The following BRAF variants were observed in gnomAD, a reference collection of about 807,000 sequenced individuals.
The protein encoded by BRAF is serine/threonine-protein kinase B-raf.
A neutral mutation model predicts 104.6 loss-of-function variants in BRAF; 16 were observed. The ratio of observed to expected loss-of-function variants is 0.15; its 90% CI spans 0.10 to 0.23. BRAF has a LOEUF of 0.23. Ranked by LOEUF, BRAF falls within the 10% of genes least tolerant of loss-of-function variation. The pLI is 1.00. For synonymous variants in BRAF, 310 were observed against 341.6 expected (o/e 0.91, Z 1.02); for missense variants, 541 against 937.3 (o/e 0.58, Z 5.52).
intron 3 of BRAF, among the ~76,000 whole-genome samples, chr7:140,825,028 T>C (rs1805873650): frequency 6.6e-6 from 1 of 151,224 alleles, no homozygotes; most frequent in Non-Finnish European, 1.5e-5. Flanking sequence ...TGGAGTGCAG[T>C]GGCGCAATCT....
At chr7:140,751,719 T>C (rs1243199544) in intron 16 of BRAF, among the ~76,000 whole-genome samples, 1 of 152,164 alleles carries the variant, frequency 6.6e-6, no homozygotes, top group Non-Finnish European at 1.5e-5. Context: ...TAATTCCACT[T>C]ACTGTCATAA....
downstream of BRAF, among the ~76,000 whole-genome samples, chr7:140,718,109 T>C (rs185937081): frequency 1.4e-4 from 22 of 152,334 alleles, no homozygotes; most frequent in East Asian, 4.3e-3. Flanking sequence ...GAAGTGTTTT[T>C]TTTGAGACAG....
At chr7:140,780,256 T>A (rs571871641) in intron 12 of BRAF, 30 of 151,632 alleles carry the variant, frequency 2.0e-4, no homozygotes, top group African/African-American at 6.8e-4. Flanking sequence ...TTTTTTTTTT[T>A]TTTTTTAAGA....
chr7:140,798,179 G>A lies in BRAF; in HGVS notation c.980+2183C>T, dbSNP rs191763206. ...AATGGCATTACACTGTGAAGAGTGG[G>A]AGGAAGTAGGGTTAAAACTGACAAT... is the stretch of plus-strand genomic sequence containing the variant. On this transcript the variant is annotated intron_variant, in intron 7 of 19. Coordinates refer to ENST00000644969, the MANE Select transcript of BRAF (RefSeq NM_001374258.1). Among the ~76,000 whole-genome samples, 3 of 152,190 alleles carry A rather than the reference G, an allele frequency of 2.0e-5. No individual in the cohort carries two copies. The East Asian group carries it at 5.8e-4, about 29-fold the overall frequency.
chr7:140,781,532 A>G (rs778648364), intron 12 of BRAF, 44 bp downstream of exon 11: 1 of 1,501,644 alleles, frequency 6.7e-7, no homozygotes, highest in South Asian at 1.1e-5. Context: ...TGTTAAACAT[A>G]TCCTATTATG....
intron 1 of BRAF, among the ~76,000 whole-genome samples, chr7:140,867,652 G>A (rs7798324): frequency 0.3 from 45,374 of 152,014 alleles, 10,808 homozygotes; most frequent in African/African-American, 0.66. Context: ...GGTCTCATTG[G>A]TAAGATGATA....
At chr7:140,757,422 T>A (rs1417757400) in intron 14 of BRAF, among the ~76,000 whole-genome samples, 1 of 152,054 alleles carries the variant, frequency 6.6e-6, no homozygotes, top group East Asian at 1.9e-4. Context: ...CCTGAGTAGC[T>A]GGGACTACAG....
chr7:140,763,476 C>A (rs1312246419), intron 14 of BRAF, among the ~76,000 whole-genome samples: 45 of 152,146 alleles, frequency 3.0e-4, no homozygotes, highest in Non-Finnish European at 5.1e-4. Flanking sequence ...ACCCCCCCAC[C>A]TCCTTCCCGG....
At chr7:140,767,811 A>C (rs906883935) in intron 14 of BRAF, among the ~76,000 whole-genome samples, 3 of 152,242 alleles carry the variant, frequency 2.0e-5, no homozygotes, top group Admixed American at 6.5e-5. Flanking sequence ...TCATCCATAA[A>C]ACAAGGATAT....
At chr7:140,857,985 C>T (rs968854124) in intron 1 of BRAF, among the ~76,000 whole-genome samples, 16 of 152,178 alleles carry the variant, frequency 1.1e-4, no homozygotes, top group East Asian at 7.7e-4. Context: ...GCATGTATCC[C>T]GCCTTTTTAG....
intron 5 of BRAF, among the ~76,000 whole-genome samples, chr7:140,801,845 A>G (rs954786667): frequency 6.6e-6 from 1 of 152,212 alleles, no homozygotes; most frequent in Non-Finnish European, 1.5e-5. Context: ...CATAAAAGTA[A>G]AAGTAGACAT....
chr7:140,742,188 T>TG, intron 17 of BRAF, among the ~76,000 whole-genome samples: 1 of 151,850 alleles, frequency 6.6e-6, no homozygotes, highest in South Asian at 2.1e-4. Context: ...TGGTGGGGTT[T>TG]TTTTTGTTTT....
intron 1 of BRAF, among the ~76,000 whole-genome samples, chr7:140,873,699 T>C (rs1811873852): frequency 6.6e-6 from 1 of 152,178 alleles, no homozygotes; most frequent in Non-Finnish European, 1.5e-5. Context: ...CTACAGGGTC[T>C]GGACAGGGCC....
intron 17 of BRAF, among the ~76,000 whole-genome samples, chr7:140,747,019 A>C (rs916111263): frequency 6.6e-6 from 1 of 152,142 alleles, no homozygotes; most frequent in African/African-American, 2.4e-5. Flanking sequence ...TTCACATTGC[A>C]TAGTAAAGAA....
intron 1 of BRAF, among the ~76,000 whole-genome samples, chr7:140,923,464 A>T (rs1818460093): frequency 6.6e-6 from 1 of 152,236 alleles, no homozygotes; most frequent in South Asian, 2.1e-4. Context: ...TGACTAATGC[A>T]AAAACAGGCT....
At chr7:140,805,959 A>C (rs1803618872) in intron 5 of BRAF, among the ~76,000 whole-genome samples, 1 of 152,178 alleles carries the variant, frequency 6.6e-6, no homozygotes, top group Non-Finnish European at 1.5e-5. Context: ...CCAAGCTTAC[A>C]ACTATTACAT....
chr7:140,911,578 G>GT (rs1816985002), intron 1 of BRAF, among the ~76,000 whole-genome samples: 2 of 152,160 alleles, frequency 1.3e-5, no homozygotes, highest in African/African-American at 2.4e-5. Flanking sequence ...GGTAGGTGAG[G>GT]TAAGTCTGGA....
chr7:140,839,599 A>G (rs552988705), intron 2 of BRAF, among the ~76,000 whole-genome samples: 192 of 152,236 alleles, frequency 1.3e-3, no homozygotes, highest in Non-Finnish European at 2.3e-3. Flanking sequence ...GCATGGTGGC[A>G]TGCACATATA....
intron 2 of BRAF, among the ~76,000 whole-genome samples, chr7:140,836,930 A>G (rs1807402405): frequency 6.6e-6 from 1 of 152,228 alleles, no homozygotes; most frequent in South Asian, 2.1e-4. Context: ...CCTTAGGAAA[A>G]GTAATGAAAA....
Sources: gnomAD v4.1 joint callset for allele counts (sites outside exome capture counted in the v4.1 genomes callset) on GRCh38, gnomAD v4.1.1 for gene constraint, MANE v1.5 for transcripts, NCBI Gene and HGNC (gene_info 2026-07-23, HGNC 2026-07-21) for gene names.